Variants in IPO11 observed in about 807,000 individuals in gnomAD.
The protein encoded by IPO11 is importin-11.
A neutral mutation model predicts 143.2 loss-of-function variants in IPO11; 66 were observed. The ratio of observed to expected loss-of-function variants is 0.46; its 90% CI spans 0.38 to 0.57. The LOEUF is 0.57. IPO11 is among the 20% of genes least tolerant of loss of function. IPO11 has a pLI of 0.00. For synonymous variants in IPO11, 385 were observed against 377.8 expected, an observed-to-expected ratio of 1.02 and a Z score of -0.22; for missense variants, 1,026 against 1,141.0, an observed-to-expected ratio of 0.90 and a Z score of 1.45.
intron 27 of IPO11, among the ~76,000 whole-genome samples, chr5:62,568,791 T>C (rs1236650000): frequency 6.6e-6 from 1 of 152,126 alleles, no homozygotes; most frequent in African/African-American, 2.4e-5. Flanking sequence ...AGGTGAATGT[T>C]CTTGATGCTT....
At chr5:62,536,287 G>A (rs1742729966) in intron 22 of IPO11, among the ~76,000 whole-genome samples, 1 of 152,058 alleles carries the variant, frequency 6.6e-6, no homozygotes, top group Non-Finnish European at 1.5e-5. Context: ...TGAAATGAAA[G>A]GTTGGGTCAA....
intron 24 of IPO11, among the ~76,000 whole-genome samples, chr5:62,543,328 G>T (rs550074644): frequency 1.2e-4 from 19 of 152,164 alleles, no homozygotes; most frequent in Non-Finnish European, 2.2e-4. Flanking sequence ...AGTATTTTTG[G>T]TTGGTAGGCT....
At chr5:62,504,014 C>T (rs1741452854) in intron 16 of IPO11, among the ~76,000 whole-genome samples, 1 of 152,014 alleles carries the variant, frequency 6.6e-6, no homozygotes, top group African/African-American at 2.4e-5. Context: ...ATATCTTAGC[C>T]CATGCCAATT....
chr5:62,564,521 G>C (rs916989396), intron 27 of IPO11, among the ~76,000 whole-genome samples: 6 of 152,162 alleles, frequency 3.9e-5, no homozygotes, highest in Non-Finnish European at 8.8e-5. Flanking sequence ...TTAAAAGTCA[G>C]ACTAAATTGG....
At position 62,449,946 on chromosome 5, in the gene IPO11, A is replaced by G; in HGVS notation, c.259A>G (p.Lys87Glu). ...VAPHALSEEE[K>E]TTLRAGLITN... ...TTACAGTGCTCTCTCAGAGGAGGAG[A>G]AAACTACTCTGCGTGCAGGGCTCAT... Residue 87 changes from lysine to glutamate, a missense_variant, in exon 4 of 30, where the codon AAA becomes GAA. Physicochemically the swap from Lys to Glu is moderately conservative, Grantham distance 56. Around this residue, in one of 5 missense-constraint regions of IPO11, gnomAD observed 429 missense variants for 456.3 expected, o/e 0.94. Coordinates refer to ENST00000325324, the MANE Select transcript of IPO11 (RefSeq NM_016338.5). 1 of 1,587,164 alleles carries G rather than the reference A, an allele frequency of 6.3e-7. No homozygotes were observed.
Position 62,628,081 on chromosome 5 carries a change from G to A in IPO11, c.*763G>A, listed in dbSNP as rs886964021. On this transcript the variant is annotated 3_prime_UTR_variant, in exon 30 of 30. Coordinates refer to ENST00000325324, the MANE Select transcript of IPO11 (RefSeq NM_016338.5). ...GTCCTAGTTCCTTTGTTACTCCTGT[G>A]AGCACCGAGAAGAACTGGGCGACTC... 8 of 152,066 alleles carry A rather than the reference G, an allele frequency of 5.3e-5. No individual in the cohort carries two copies. Among genetic ancestry groups the A allele is most frequent in the African/African-American group, 1.5e-4 (6 of 41,366 alleles). The allele number at this position is 152,066 out of a possible 1,614,324, so 9.4% of individuals were successfully genotyped here.
rs947085140 is a variant in IPO11, at chr5:62,470,728, TA to T, written c.708+427del. On this transcript the variant is annotated intron_variant, in intron 7 of 29. Transcript: ENST00000325324. The stretch of plus-strand genomic sequence containing the variant: ...TTAATACATGCTGTTCACAATCAAT[TA>T]AAAAAATAAATATATAAGAGAAAAA... Among the ~76,000 whole-genome samples, 122 of 150,172 alleles carry T rather than the reference TA, an allele frequency of 8.1e-4. 1 individual carries two copies. The highest frequency in any genetic ancestry group is 2.7e-3 in the African/African-American group (110 of 40,954).
intron 11 of IPO11, among the ~76,000 whole-genome samples, chr5:62,484,936 C>T (rs1251988707): frequency 1.3e-5 from 2 of 148,684 alleles, no homozygotes; most frequent in East Asian, 2.0e-4. Flanking sequence ...TTTCAATTTG[C>T]TTTCTTTATA....
At chr5:62,522,447 G>C (rs1413764518) in intron 20 of IPO11, among the ~76,000 whole-genome samples, 1 of 152,082 alleles carries the variant, frequency 6.6e-6, no homozygotes, top group Non-Finnish European at 1.5e-5. Context: ...AACATGCCTG[G>C]CTAATTTTTG....
At position 62,559,614 on chromosome 5, in the gene IPO11, C is replaced by T. The variant is rs1743698766; in HGVS notation, c.2461-1522C>T. 2.0e-5 allele frequency among the ~76,000 whole-genome samples: 3 copies of T among 151,774 alleles called. No homozygotes were observed. The South Asian group carries it at 6.3e-4, about 32-fold the overall frequency. Reference sequence around the variant, plus strand: ...TTTGTTTTTGTTTTTTTTTCCTCATCCATAAGAAGTAATTCCTCATGGCTG... The same window carrying T: ...TTTGTTTTTGTTTTTTTTTCCTCATTCATAAGAAGTAATTCCTCATGGCTG... On this transcript the variant is annotated intron_variant, in intron 26 of 29. Coordinates refer to ENST00000325324, the MANE Select transcript of IPO11 (RefSeq NM_016338.5).
In IPO11 at chr5:62,612,701, C is replaced by A. The variant is rs764412187; in HGVS notation, c.2763+10853C>A. 9.2e-5 allele frequency among the ~76,000 whole-genome samples: 14 copies of A among 152,194 alleles called. No individual in the cohort carries two copies. The South Asian group carries it at 1.0e-3, about 11-fold the overall frequency. ...ATTTTTGAATTTTCTAATTTCTGAT[C>A]CAGTAAATATTGGTAGATTTAACCC... On this transcript the variant is annotated intron_variant, in intron 29 of 29. Transcript: ENST00000325324.
chr5:62,442,863 A>AAAAACAAAACAAAAC (rs70981008), intron 2 of IPO11, 120 bp from the exon 3 acceptor site: 41,469 of 467,696 alleles, frequency 0.089, 2,482 homozygotes, highest in East Asian at 0.11. Flanking sequence ...AAACTGTCTC[A>AAAAACAAAACAAAAC]AAAACAAAAC....
intron 28 of IPO11, among the ~76,000 whole-genome samples, chr5:62,598,549 C>T (rs199950923): frequency 1.6e-4 from 2 of 12,206 alleles, no homozygotes; most frequent in African/African-American, 1.0e-3. Context: ...TCTTTCTTTT[C>T]TTTCTTTTTT....
At chr5:62,570,890 T>A (rs1172620071) in intron 27 of IPO11, among the ~76,000 whole-genome samples, 1 of 152,244 alleles carries the variant, frequency 6.6e-6, no homozygotes, top group Non-Finnish European at 1.5e-5. Flanking sequence ...ATTATTTTGA[T>A]GTTTCAGGAC....
At chr5:62,501,284 C>G (rs1741340612) in intron 16 of IPO11, among the ~76,000 whole-genome samples, 1 of 152,070 alleles carries the variant, frequency 6.6e-6, no homozygotes, top group Admixed American at 6.6e-5. Flanking sequence ...CTTGATCTCT[C>G]AACTAGTCTG....
At chr5:62,472,019 C>T (rs1371393425) in intron 7 of IPO11, among the ~76,000 whole-genome samples, 3 of 152,182 alleles carry the variant, frequency 2.0e-5, no homozygotes, top group Admixed American at 6.5e-5. Context: ...AGATACATTT[C>T]GATTGCCATG....
intron 26 of IPO11, among the ~76,000 whole-genome samples, chr5:62,555,578 G>T (rs1170629648): frequency 6.6e-6 from 1 of 151,288 alleles, no homozygotes; most frequent in Non-Finnish European, 1.5e-5. Flanking sequence ...GTCTCGGCTC[G>T]CTGCAAGCCC....
chr5:62,524,564 A>G (rs1209941461), intron 20 of IPO11, among the ~76,000 whole-genome samples: 6 of 152,104 alleles, frequency 3.9e-5, no homozygotes, highest in East Asian at 1.9e-4. Context: ...TTAAGGCCCA[A>G]TATGTACTAC....
intron 27 of IPO11, 39 bp from the exon 28 acceptor site, chr5:62,591,538 G>C: frequency 1.7e-6 from 2 of 1,147,002 alleles, no homozygotes; most frequent in South Asian, 1.4e-5. Context: ...AATTAATCTA[G>C]TATTCCAGTT....
Sources: allele counts gnomAD v4.1 joint callset (sites outside exome capture counted in the v4.1 genomes callset), GRCh38; gene constraint gnomAD v4.1.1; regional missense constraint gnomAD v4.1.1; transcripts MANE v1.5; gene names NCBI Gene and HGNC (gene_info 2026-07-23, HGNC 2026-07-21).